Variants in HNF4G observed in about 807,000 individuals in gnomAD.
The protein encoded by HNF4G is hepatocyte nuclear factor 4-gamma.
A neutral mutation model predicts 50.9 loss-of-function variants in HNF4G; 21 were observed. The observed-to-expected ratio is 0.41, with a 90% CI of 0.29 to 0.59. HNF4G has a LOEUF of 0.59. Ranked by LOEUF, HNF4G falls within the 20% of genes least tolerant of loss-of-function variation. The pLI, the probability that HNF4G is intolerant of heterozygous loss-of-function variation, is 0.26. For missense variants in HNF4G, 527 were observed against 559.4 expected, an observed-to-expected ratio of 0.94 and a Z score of 0.58; for synonymous variants, 198 against 185.6, an observed-to-expected ratio of 1.07 and a Z score of -0.54.
rs1382367333 is a variant in HNF4G, at chr8:75,551,455, C to T, written c.450C>T (p.Ser150=). 1 of 1,612,950 alleles carries T rather than the reference C, an allele frequency of 6.2e-7. No homozygotes were observed. The highest frequency in any genetic ancestry group is 1.1e-5 in the South Asian group (1 of 91,060). ...RSTFDGSNIP[S]INTLAQAEVR... ...CATTTGATGGCAGCAACATCCCCTCCATTAACACACTGGCACAAGCTGAAG... is the reference window on the plus strand; with the variant it reads ...CATTTGATGGCAGCAACATCCCCTCTATTAACACACTGGCACAAGCTGAAG... Residue 150 remains serine, a synonymous_variant, in exon 4 of 10, where the codon TCC becomes TCT. Transcript: ENST00000396423.
At chr8:75,540,840 G>A (rs1316796478) in intron 1 of HNF4G, among the ~76,000 whole-genome samples, 1 of 112,634 alleles carries the variant, frequency 8.9e-6, no homozygotes, top group Admixed American at 8.3e-5. Flanking sequence ...TGTATACTTT[G>A]GAAAATGTGT....
chr8:75,461,140 G>C (rs560813928), intron 1 of HNF4G, among the ~76,000 whole-genome samples: 6 of 152,202 alleles, frequency 3.9e-5, no homozygotes, highest in African/African-American at 1.2e-4. Flanking sequence ...AAATTACCAC[G>C]AACTGAGTGT....
At chr8:75,434,293 C>A (rs59321019) in intron 1 of HNF4G, among the ~76,000 whole-genome samples, 1 of 151,898 alleles carries the variant, frequency 6.6e-6, no homozygotes, top group Non-Finnish European at 1.5e-5. Flanking sequence ...TGAGCCACTG[C>A]GTCTGGCCTA....
intron 1 of HNF4G, among the ~76,000 whole-genome samples, chr8:75,543,608 T>A (rs963988350): frequency 6.6e-6 from 1 of 152,254 alleles, no homozygotes; most frequent in East Asian, 1.9e-4. Context: ...CTAAGCCCTA[T>A]GGTGTCCCAA....
intron 2 of HNF4G, among the ~76,000 whole-genome samples, chr8:75,514,354 CTTTTT>C: frequency 8.0e-6 from 1 of 125,046 alleles, no homozygotes; most frequent in African/African-American, 3.1e-5. Context: ...TTTCTTCTTT[CTTTTT>C]TTTTTTCTTT....
intron 2 of HNF4G, among the ~76,000 whole-genome samples, chr8:75,521,714 C>T (rs1242840508): frequency 2.6e-5 from 4 of 152,160 alleles, no homozygotes; most frequent in Admixed American, 1.3e-4. Context: ...TCTTCTTAGA[C>T]TAGCTGGTCT....
chr8:75,515,544 A>T lies in HNF4G; in HGVS notation c.-24+25336A>T, dbSNP rs112599899. ...ACTAGTGTGATTTAGTCCAGTCTAAAGGCCTGAGAACTGTGAAGGGGAGGG... is the reference window on the plus strand; with the variant it reads ...ACTAGTGTGATTTAGTCCAGTCTAATGGCCTGAGAACTGTGAAGGGGAGGG... On this transcript the variant is annotated intron_variant, in intron 2 of 10. Transcript: ENST00000354370. 2.2e-3 allele frequency among the ~76,000 whole-genome samples: 329 copies of T among 152,278 alleles called. 1 individual carries two copies. The highest frequency in any genetic ancestry group is 3.8e-3 in the Non-Finnish European group (257 of 68,002).
At chr8:75,524,261 T>C (rs1806124201) in intron 2 of HNF4G, among the ~76,000 whole-genome samples, 1 of 152,174 alleles carries the variant, frequency 6.6e-6, no homozygotes, top group African/African-American at 2.4e-5. Flanking sequence ...CCATAAGATA[T>C]ATGAATAACT....
chr8:75,447,371 G>A (rs1811446590), intron 1 of HNF4G, among the ~76,000 whole-genome samples: 1 of 115,094 alleles, frequency 8.7e-6, no homozygotes, highest in Non-Finnish European at 1.8e-5. Context: ...CATAGGCATG[G>A]GCAAGGACTT....
chr8:75,503,463 T>G (rs1812985177), intron 2 of HNF4G, among the ~76,000 whole-genome samples: 1 of 152,180 alleles, frequency 6.6e-6, no homozygotes, highest in Non-Finnish European at 1.5e-5. Context: ...TGGCTTCCAG[T>G]GAGAGATGTT....
At position 75,543,908 on chromosome 8, in the gene HNF4G, G is replaced by A. The variant is rs774412164; in HGVS notation, c.216G>A (p.Gly72=). ...CGDRATGKHY[G]ASSCDGCKGF... ...ACAGAGCAACAGGAAAACACTATGG[G>A]GCATCCAGCTGTGATGGGTGCAAGG... The change falls in exon 2 of 10, where the codon GGG becomes GGA. Residue 72 remains glycine (G), a synonymous_variant. Coordinates refer to ENST00000396423, the MANE Select transcript of HNF4G (RefSeq NM_004133.5). The A allele has an allele frequency of 6.2e-7, 1 of 1,613,532 alleles. No individual in the cohort carries two copies. The highest frequency in any genetic ancestry group is 1.7e-5 in the Admixed American group (1 of 59,968).
intron 1 of HNF4G, among the ~76,000 whole-genome samples, chr8:75,475,166 C>T (rs1304023421): frequency 2.6e-5 from 4 of 151,676 alleles, no homozygotes; most frequent in African/African-American, 7.3e-5. Flanking sequence ...CATGCCAACA[C>T]GCCCAGCTAA....
chr8:75,448,497 A>AC (rs1228834824), intron 1 of HNF4G, among the ~76,000 whole-genome samples: 6 of 150,552 alleles, frequency 4.0e-5, no homozygotes, highest in African/African-American at 9.7e-5. Flanking sequence ...TAAAAAAAAA[A>AC]AAAAACAAAT....
At chr8:75,434,855 A>C (rs961946851) in intron 1 of HNF4G, among the ~76,000 whole-genome samples, 3 of 152,382 alleles carry the variant, frequency 2.0e-5, no homozygotes, top group Non-Finnish European at 4.4e-5. Flanking sequence ...TTTCTCAAAA[A>C]TAACATTTGA....
upstream of HNF4G, among the ~76,000 whole-genome samples, chr8:75,535,398 G>A (rs2941462): frequency 0.66 from 99,864 of 151,400 alleles, 34,818 homozygotes; most frequent in African/African-American, 0.9. Context: ...AGGTGGCTTT[G>A]CTTTGAATTA....
chr8:75,448,376 A>G (rs1251528739), intron 1 of HNF4G, among the ~76,000 whole-genome samples: 2 of 148,594 alleles, frequency 1.3e-5, no homozygotes, highest in Non-Finnish European at 3.0e-5. Context: ...ACATGTATAC[A>G]TATGTAACTA....
chr8:75,538,032 G>T (rs568497561), upstream of HNF4G, among the ~76,000 whole-genome samples: 1 of 152,292 alleles, frequency 6.6e-6, no homozygotes, highest in African/African-American at 2.4e-5. Flanking sequence ...GGCTGAGGCT[G>T]ACTGAATTCC....
At chr8:75,444,771 TCATAAAG>T (rs1194048507) in intron 1 of HNF4G, among the ~76,000 whole-genome samples, 7 of 90,448 alleles carry the variant, frequency 7.7e-5, no homozygotes, top group Non-Finnish European at 1.5e-4. Flanking sequence ...GCACCCAGAT[TCATAAAG>T]CAAGTCCTGA....
chr8:75,434,188 C>G (rs1811084009), intron 1 of HNF4G, among the ~76,000 whole-genome samples: 1 of 151,500 alleles, frequency 6.6e-6, no homozygotes, highest in South Asian at 2.1e-4. Context: ...ATTTTTAGTA[C>G]AGATGAGGTT....
Sources: gnomAD v4.1 joint callset for allele counts (sites outside exome capture counted in the v4.1 genomes callset) on GRCh38, gnomAD v4.1.1 for gene constraint, MANE v1.5 for transcripts, NCBI Gene and HGNC (gene_info 2026-07-23, HGNC 2026-07-21) for gene names.